AGPAT4: variants seen among roughly 807,000 people sequenced by gnomAD.
The protein encoded by AGPAT4 is 1-acyl-sn-glycerol-3-phosphate acyltransferase delta.
A neutral mutation model predicts 48.0 loss-of-function variants in AGPAT4; 15 were observed. The ratio of observed to expected loss-of-function variants is 0.31; its 90% CI spans 0.21 to 0.48. The LOEUF (loss-of-function observed/expected upper bound fraction) is 0.48, where lower values mean the gene tolerates loss of function less well. Among genes scored for constraint, AGPAT4 ranks in the 20% least tolerant of loss-of-function variants. The pLI, the probability that AGPAT4 is intolerant of heterozygous loss-of-function variation, is 0.99. For missense variants in AGPAT4, 314 were observed against 482.5 expected (o/e 0.65, Z 3.27); for synonymous variants, 178 against 198.7 (o/e 0.90, Z 0.88).
In AGPAT4 at chr6:161,216,358, C is replaced by T. The variant is rs552117804; in HGVS notation, c.178+15678G>A. Among the ~76,000 whole-genome samples, 26 of 152,310 alleles carry T rather than the reference C, an allele frequency of 1.7e-4. No individual in the cohort carries two copies. Among genetic ancestry groups the T allele is most frequent in the African/African-American group, 5.5e-4 (23 of 41,570 alleles). The stretch of plus-strand genomic sequence containing the variant: ...CTCAAGCAAACGTCTGCAACAAGTG[C>T]GTCTCTTGTCCAGGATGACAGACAA... On this transcript the variant is annotated intron_variant, in intron 2 of 8. Transcript: ENST00000320285. The surrounding 1 kb of genome is among the most constrained non-coding windows in gnomAD (Gnocchi z 4.8).
chr6:161,217,402 TG>T lies in AGPAT4; in HGVS notation c.178+14633del, dbSNP rs1272467531. 6.6e-6 allele frequency among the ~76,000 whole-genome samples: 1 copy of T among 152,146 alleles called. No individual in the cohort carries two copies. The highest frequency in any genetic ancestry group is 2.4e-5 in the African/African-American group (1 of 41,442). ...ATGGTGTGTCAGATGGAGGACGCAT[TG>T]GGAGAGGCTGTGGTGGAGACCTGTG... On this transcript the variant is annotated intron_variant, in intron 2 of 8. Coordinates refer to ENST00000320285, the MANE Select transcript of AGPAT4 (RefSeq NM_020133.3). This position sits in a 1 kb window ranked among gnomAD's most constrained non-coding sequence, Gnocchi z 4.9.
At chr6:161,179,941 T>C (rs1039553509) in intron 2 of AGPAT4, among the ~76,000 whole-genome samples, 2 of 152,194 alleles carry the variant, frequency 1.3e-5, no homozygotes, top group Non-Finnish European at 2.9e-5. Context: ...ATGTGGCTAT[T>C]TGACTCCAAA....
intron 2 of AGPAT4, among the ~76,000 whole-genome samples, chr6:161,209,313 G>A (rs2115017074): frequency 6.6e-6 from 1 of 152,256 alleles, no homozygotes; most frequent in Non-Finnish European, 1.5e-5. Flanking sequence ...TTCACCAACA[G>A]CTGTGACACT....
At position 161,146,776 on chromosome 6, in the gene AGPAT4, A is replaced by C. The variant is rs1779445475; in HGVS notation, c.768-177T>G. On this transcript the variant is annotated intron_variant, in intron 6 of 8. Transcript: ENST00000320285. This position sits in a 1 kb window ranked among gnomAD's most constrained non-coding sequence, Gnocchi z 7.1. ...CGTTCCACATCCACACTGGAGAAACAGGCAAAAATGCAATTATGACCCACG... is the reference window on the plus strand; with the variant it reads ...CGTTCCACATCCACACTGGAGAAACCGGCAAAAATGCAATTATGACCCACG... Among the ~76,000 whole-genome samples, 1 of 152,228 alleles carries C rather than the reference A, an allele frequency of 6.6e-6. No individual in the cohort carries two copies. The highest frequency in any genetic ancestry group is 1.5e-5 in the Non-Finnish European group (1 of 68,042).
rs1783438791 is a variant in AGPAT4, at chr6:161,272,003, G to A, written c.-90+1935C>T. Among the ~76,000 whole-genome samples the A allele has an allele frequency of 6.6e-6, 1 of 152,166 alleles. No individual in the cohort carries two copies. Among genetic ancestry groups the A allele is most frequent in the East Asian group, 1.9e-4 (1 of 5,198 alleles). ...CTAACATGTGCTTTTCAAAATGAGT[G>A]TCATATTCTTTTTAGTAATACTTTT... On this transcript the variant is annotated intron_variant, in intron 1 of 8. Transcript: ENST00000320285. The surrounding 1 kb of genome is among the most constrained non-coding windows in gnomAD (Gnocchi z 4.2).
At chr6:161,247,812 A>G (rs766472454) in intron 1 of AGPAT4, among the ~76,000 whole-genome samples, 4 of 151,944 alleles carry the variant, frequency 2.6e-5, no homozygotes, top group Admixed American at 6.6e-5. Flanking sequence ...GTGAAACCCC[A>G]TCTCTACTAA....
At position 161,137,678 on chromosome 6, in the gene AGPAT4, G is replaced by A. The variant is rs1779112079; in HGVS notation, c.1043-1044C>T. ...AACACAAAGTCCTTCAGGGAAGAAT[G>A]CAGTCAGGCGCAGGCTCAGAGTAAT... is the stretch of plus-strand genomic sequence containing the variant. On this transcript the variant is annotated intron_variant, in intron 8 of 8. Transcript: ENST00000320285. The surrounding 1 kb of genome is among the most constrained non-coding windows in gnomAD (Gnocchi z 6.1). 2.0e-5 allele frequency among the ~76,000 whole-genome samples: 3 copies of A among 152,216 alleles called. No homozygotes were observed. Among genetic ancestry groups the A allele is most frequent in the African/African-American group, 7.2e-5 (3 of 41,460 alleles).
rs562277663 is a variant in AGPAT4, at chr6:161,149,626, C to T, written c.665-337G>A. On this transcript the variant is annotated intron_variant, in intron 5 of 8. Coordinates refer to ENST00000320285, the MANE Select transcript of AGPAT4 (RefSeq NM_020133.3). The surrounding 1 kb of genome is among the most constrained non-coding windows in gnomAD (Gnocchi z 6.5). ...GTGCAATCTCGGCTCACTACAACCT[C>T]TGCCTCCCGGGTTCAAACAATTCTC... Among the ~76,000 whole-genome samples the T allele has an allele frequency of 6.6e-6, 1 of 152,234 alleles. No homozygotes were observed. The highest frequency in any genetic ancestry group is 6.5e-5 in the Admixed American group (1 of 15,290).
chr6:161,171,857 A>T lies in AGPAT4; in HGVS notation c.179-5440T>A, dbSNP rs1009401686. ...TGCACTTGCAGTGAGCCAAGATCGC[A>T]CCACTGCACTCCAGCCTGGGTGACA... On this transcript the variant is annotated intron_variant, in intron 2 of 8. Transcript: ENST00000320285. The surrounding 1 kb of genome is among the most constrained non-coding windows in gnomAD (Gnocchi z 4.4). Among the ~76,000 whole-genome samples, 1 of 152,166 alleles carries T rather than the reference A, an allele frequency of 6.6e-6. No homozygotes were observed. The highest frequency in any genetic ancestry group is 2.4e-5 in the African/African-American group (1 of 41,442).
At position 161,222,103 on chromosome 6, in the gene AGPAT4, AAAC is replaced by A. The variant is rs1781851558; in HGVS notation, c.178+9930_178+9932del. On this transcript the variant is annotated intron_variant, in intron 2 of 8. Coordinates refer to ENST00000320285, the MANE Select transcript of AGPAT4 (RefSeq NM_020133.3). This position sits in a 1 kb window ranked among gnomAD's most constrained non-coding sequence, Gnocchi z 5.9. ...CTCAGGTCCTGTAAGGCACAGCCTG[AAAC>A]ACCTTCCTTGTCACCCCTGGTCTCA... Among the ~76,000 whole-genome samples the A allele has an allele frequency of 6.6e-6, 1 of 152,204 alleles. No individual in the cohort carries two copies.
rs1780213981 is a variant in AGPAT4 at position 161,169,859 on chromosome 6, G to A, written c.179-3442C>T. Among the ~76,000 whole-genome samples the A allele has an allele frequency of 6.6e-6, 1 of 152,148 alleles. No homozygotes were observed. The highest frequency in any genetic ancestry group is 6.5e-5 in the Admixed American group (1 of 15,278). On this transcript the variant is annotated intron_variant, in intron 2 of 8. Transcript: ENST00000320285. The surrounding 1 kb of genome is among the most constrained non-coding windows in gnomAD (Gnocchi z 5.0). ...GCACCACAAGAGACACTCTTGGGAGGTTTGCAAGGTGGAAAGGAAATACCA... is the reference window on the plus strand; with the variant it reads ...GCACCACAAGAGACACTCTTGGGAGATTTGCAAGGTGGAAAGGAAATACCA...
rs865827392 is a variant in AGPAT4, at chr6:161,198,942, G to C, written c.179-32525C>G. ...ATATGTCAGAATTACTGCTGATATC[G>C]ATTCCTTTTTTGAAGCCCTAAGATT... On this transcript the variant is annotated intron_variant, in intron 2 of 8. Transcript: ENST00000320285. The surrounding 1 kb of genome is among the most constrained non-coding windows in gnomAD (Gnocchi z 4.3). Among the ~76,000 whole-genome samples, 1 of 152,072 alleles carries C rather than the reference G, an allele frequency of 6.6e-6. No individual in the cohort carries two copies. The highest frequency in any genetic ancestry group is 1.5e-5 in the Non-Finnish European group (1 of 68,022).
In AGPAT4 at chr6:161,141,208, G is replaced by T. The variant is rs554237797; in HGVS notation, c.844-1588C>A. ...GTTCAGGTGCCTCTGCTCTGTCCTC[G>T]GCCCCCTGCAGCCCATTAACAAGCC... On this transcript the variant is annotated intron_variant, in intron 7 of 8. Transcript: ENST00000320285. The surrounding 1 kb of genome is among the most constrained non-coding windows in gnomAD (Gnocchi z 6.7). 3.3e-5 allele frequency among the ~76,000 whole-genome samples: 5 copies of T among 152,086 alleles called. No individual in the cohort carries two copies. Among genetic ancestry groups the T allele is most frequent in the African/African-American group, 1.2e-4 (5 of 41,472 alleles).
chr6:161,209,926 CGTTTTGTTTT>C (rs767794325), intron 2 of AGPAT4, among the ~76,000 whole-genome samples: 7 of 151,822 alleles, frequency 4.6e-5, no homozygotes, highest in African/African-American at 1.7e-4. Flanking sequence ...CCCTTTGTTT[CGTTTTGTTTT>C]GTTTTGTTTT....
chr6:161,160,899 G>A (rs1779909321), intron 3 of AGPAT4: 3 of 418,440 alleles, frequency 7.2e-6, no homozygotes, highest in Non-Finnish European at 1.5e-5. Flanking sequence ...CCCCAGGGCA[G>A]AAAGTAATAG....
Position 161,137,927 on chromosome 6 carries a change from G to GA in AGPAT4, c.1043-1294_1043-1293insT, listed in dbSNP as rs1412876431. Among the ~76,000 whole-genome samples the GA allele has an allele frequency of 4.1e-4, 63 of 152,272 alleles. No individual in the cohort carries two copies. Among genetic ancestry groups the GA allele is most frequent in the African/African-American group, 1.4e-3 (60 of 41,546 alleles). On this transcript the variant is annotated intron_variant, in intron 8 of 8. Transcript: ENST00000320285. This position sits in a 1 kb window ranked among gnomAD's most constrained non-coding sequence, Gnocchi z 6.1. ...ACGCCCTGTGTCCACACTGCACCCTGGGCAGTGCTCAGGCTTCTTTTTTTG... is the reference window on the plus strand; with the variant it reads ...ACGCCCTGTGTCCACACTGCACCCTGAGGCAGTGCTCAGGCTTCTTTTTTTG...
chr6:161,207,024 T>A (rs1379655344), intron 2 of AGPAT4, among the ~76,000 whole-genome samples: 1 of 152,180 alleles, frequency 6.6e-6, no homozygotes, highest in African/African-American at 2.4e-5. Flanking sequence ...TAATGGAATA[T>A]TCCATGGACT....
Position 161,147,184 on chromosome 6 carries a change from T to G in AGPAT4, c.768-585A>C, listed in dbSNP as rs1318732078. Among the ~76,000 whole-genome samples, 1 of 152,088 alleles carries G rather than the reference T, an allele frequency of 6.6e-6. No individual in the cohort carries two copies. Among genetic ancestry groups the G allele is most frequent in the African/African-American group, 2.4e-5 (1 of 41,436 alleles). ...CCCAGATGGAAGTAGCCAGGGCATC[T>G]TCCCCAGGCTCCATGGCTCAGACAG... On this transcript the variant is annotated intron_variant, in intron 6 of 8. Transcript: ENST00000320285. This position sits in a 1 kb window ranked among gnomAD's most constrained non-coding sequence, Gnocchi z 4.8.
rs1470728323 is a variant in AGPAT4, at chr6:161,267,156, C to T, written c.-90+6782G>A. On this transcript the variant is annotated intron_variant, in intron 1 of 8. Coordinates refer to ENST00000320285, the MANE Select transcript of AGPAT4 (RefSeq NM_020133.3). The surrounding 1 kb of genome is among the most constrained non-coding windows in gnomAD (Gnocchi z 5.2). Reference sequence around the variant, plus strand: ...CACATTGGTTTTGAGAAGAGTTCATCTTTAATTTAATGTATGTACTGCATT... The same window carrying T: ...CACATTGGTTTTGAGAAGAGTTCATTTTTAATTTAATGTATGTACTGCATT... Among the ~76,000 whole-genome samples the T allele has an allele frequency of 1.3e-5, 2 of 152,142 alleles. No homozygotes were observed. The highest frequency in any genetic ancestry group is 2.9e-5 in the Non-Finnish European group (2 of 68,028).
Sources: gnomAD v4.1 joint callset for allele counts (sites outside exome capture counted in the v4.1 genomes callset) on GRCh38, gnomAD v4.1.1 for gene constraint, Gnocchi (gnomAD v3.1) non-coding constraint, MANE v1.5 for transcripts, NCBI Gene and HGNC (gene_info 2026-07-23, HGNC 2026-07-21) for gene names.